CNTN5: variants seen among roughly 807,000 people sequenced by gnomAD.
The protein encoded by CNTN5 is contactin 5.
In CNTN5, 77 loss-of-function variants were observed where a neutral mutation model predicts 129.1. The observed-to-expected ratio is 0.60, with a 90% CI of 0.50 to 0.72. The LOEUF is 0.72. Among genes scored for constraint, CNTN5 ranks in the 30% least tolerant of loss-of-function variants. CNTN5 has a pLI of 0.00. For synonymous variants in CNTN5, 509 were observed against 465.6 expected (o/e 1.09, Z -1.20); for missense variants, 1,478 against 1,328.8 (o/e 1.11, Z -1.75).
At chr11:99,761,268 T>A (rs190510627) in intron 3 of CNTN5, among the ~76,000 whole-genome samples, 14 of 152,198 alleles carry the variant, frequency 9.2e-5, no homozygotes, top group Admixed American at 9.2e-4. Flanking sequence ...TAAGTGTTTT[T>A]TTCTTTTATT....
intron 2 of CNTN5, among the ~76,000 whole-genome samples, chr11:99,537,538 A>C (rs1434397357): frequency 1.3e-5 from 2 of 152,120 alleles, no homozygotes; most frequent in East Asian, 3.9e-4. Context: ...CTTATAACTA[A>C]GCACCCTTCT....
chr11:99,534,169 A>G (rs1339476553), intron 2 of CNTN5, among the ~76,000 whole-genome samples: 3 of 152,234 alleles, frequency 2.0e-5, no homozygotes, highest in Non-Finnish European at 4.4e-5. Flanking sequence ...AGATGTTGCA[A>G]TAAATACTTT....
At chr11:99,586,816 A>G (rs991924410) in intron 3 of CNTN5, among the ~76,000 whole-genome samples, 3 of 152,178 alleles carry the variant, frequency 2.0e-5, no homozygotes, top group Non-Finnish European at 4.4e-5. Context: ...CATCTAATAA[A>G]TCTGTCCAAC....
At chr11:100,318,626 G>T (rs919048961) in intron 21 of CNTN5, among the ~76,000 whole-genome samples, 1 of 152,144 alleles carries the variant, frequency 6.6e-6, no homozygotes, top group Admixed American at 6.5e-5. Flanking sequence ...AATTTTCTGA[G>T]AACAGCCCAT....
intron 3 of CNTN5, among the ~76,000 whole-genome samples, chr11:99,653,919 C>A (rs1029751641): frequency 2.6e-5 from 4 of 151,708 alleles, no homozygotes; most frequent in African/African-American, 9.7e-5. Context: ...AATGATATAT[C>A]CCTCTTTGTC....
chr11:100,198,278 C>T (rs1948696164), intron 15 of CNTN5, among the ~76,000 whole-genome samples: 1 of 151,874 alleles, frequency 6.6e-6, no homozygotes, highest in African/African-American at 2.4e-5. Context: ...TTTAAAATCA[C>T]AGCCAAATTT....
At chr11:99,969,020 G>A (rs1951176563) in intron 8 of CNTN5, among the ~76,000 whole-genome samples, 1 of 151,938 alleles carries the variant, frequency 6.6e-6, no homozygotes, top group South Asian at 2.1e-4. Flanking sequence ...GACGATTTTT[G>A]AATAAGATGA....
At chr11:99,456,118 G>A (rs74415847) in intron 2 of CNTN5, among the ~76,000 whole-genome samples, 2,418 of 151,830 alleles carry the variant, frequency 0.016, 23 homozygotes, top group Non-Finnish European at 0.024. Context: ...CTTTTCATTC[G>A]GATCGATTTT....
chr11:99,981,266 G>A (rs1033146617), intron 8 of CNTN5, among the ~76,000 whole-genome samples: 1 of 151,958 alleles, frequency 6.6e-6, no homozygotes, highest in Non-Finnish European at 1.5e-5. Context: ...CCAGGAAGCT[G>A]ATGGTGTAAC....
intron 1 of CNTN5, among the ~76,000 whole-genome samples, chr11:99,032,337 G>A (rs1347997956): frequency 4.6e-5 from 7 of 150,940 alleles, no homozygotes; most frequent in Admixed American, 2.6e-4. Flanking sequence ...CTGAGGAATC[G>A]CCACACTGAC....
chr11:100,309,928 G>T (rs1021067680), intron 21 of CNTN5, among the ~76,000 whole-genome samples: 3 of 151,818 alleles, frequency 2.0e-5, no homozygotes, highest in Admixed American at 1.3e-4. Flanking sequence ...TAAGATCAAT[G>T]ACTGACTGAT....
chr11:100,229,716 C>G (rs1230105450), intron 16 of CNTN5, among the ~76,000 whole-genome samples: 3 of 152,216 alleles, frequency 2.0e-5, no homozygotes, highest in Non-Finnish European at 4.4e-5. Context: ...CTTCACATCT[C>G]TCACTGCACT....
chr11:99,052,095 A>C (rs1015482985), intron 1 of CNTN5, among the ~76,000 whole-genome samples: 1 of 151,894 alleles, frequency 6.6e-6, no homozygotes, highest in African/African-American at 2.4e-5. Flanking sequence ...GTGGTTTAGC[A>C]TGGCAGAACA....
intron 2 of CNTN5, among the ~76,000 whole-genome samples, chr11:99,533,558 C>A (rs1307096179): frequency 6.6e-6 from 1 of 152,224 alleles, no homozygotes. Context: ...GCAATGGGGG[C>A]TTCAGTAGGG....
chr11:99,160,522 T>C (rs1201021077), intron 1 of CNTN5, among the ~76,000 whole-genome samples: 1 of 152,166 alleles, frequency 6.6e-6, no homozygotes, highest in African/African-American at 2.4e-5. Flanking sequence ...ACTAGGATTG[T>C]CTTAAATGAT....
At chr11:100,095,553 A>G (rs1944979388) in intron 13 of CNTN5, among the ~76,000 whole-genome samples, 1 of 152,088 alleles carries the variant, frequency 6.6e-6, no homozygotes, top group Non-Finnish European at 1.5e-5. Context: ...TTCATTGTGT[A>G]TAGTTAGTTA....
intron 8 of CNTN5, among the ~76,000 whole-genome samples, chr11:99,978,678 A>G (rs139768618): frequency 4.2e-4 from 64 of 152,324 alleles, no homozygotes; most frequent in African/African-American, 1.4e-3. Context: ...GAAGCAAGCT[A>G]TATCATCTAG....
intron 13 of CNTN5, among the ~76,000 whole-genome samples, chr11:100,120,433 C>A (rs555826439): frequency 6.6e-6 from 1 of 151,576 alleles, no homozygotes; most frequent in Non-Finnish European, 1.5e-5. Context: ...TATTAATCAA[C>A]CCAAAAAAGT....
intron 18 of CNTN5, among the ~76,000 whole-genome samples, chr11:100,292,537 C>A (rs557471094): frequency 6.6e-6 from 1 of 151,926 alleles, no homozygotes; most frequent in Non-Finnish European, 1.5e-5. Context: ...CTAGAAAACT[C>A]CGAAACTCAG....
Sources: gnomAD v4.1 joint callset for allele counts (sites outside exome capture counted in the v4.1 genomes callset) on GRCh38, gnomAD v4.1.1 for gene constraint, MANE v1.5 for transcripts, NCBI Gene and HGNC (gene_info 2026-07-23, HGNC 2026-07-21) for gene names.